ZC3H7B: variants seen among roughly 807,000 people sequenced by gnomAD.
ZC3H7B encodes zinc finger CCCH domain-containing protein 7B.
A neutral mutation model predicts 116.0 loss-of-function variants in ZC3H7B; 35 were observed. That is an observed-to-expected ratio of 0.30 (90% CI 0.23 to 0.40). ZC3H7B has a LOEUF of 0.40. Among genes scored for constraint, ZC3H7B ranks in the 10% least tolerant of loss-of-function variants. ZC3H7B has a pLI of 1.00. For synonymous variants in ZC3H7B, 502 were observed against 545.6 expected (o/e 0.92, Z 1.11); for missense variants, 1,011 against 1,321.5 (o/e 0.77, Z 3.64).
intron 6 of ZC3H7B, among the ~76,000 whole-genome samples, chr22:41,331,273 G>A (rs576474852): frequency 1.3e-4 from 19 of 149,110 alleles, no homozygotes; most frequent in Non-Finnish European, 1.8e-4. Flanking sequence ...ATAAAAGGCC[G>A]GGCGCGGTGG....
chr22:41,332,087 G>A, intron 6 of ZC3H7B, 84 bp from the exon 7 acceptor site: 1 of 1,490,082 alleles, frequency 6.7e-7, no homozygotes, highest in Non-Finnish European at 9.3e-7. Flanking sequence ...TTGTGTCAGG[G>A]CCTCTTTGCT....
intron 1 of ZC3H7B, among the ~76,000 whole-genome samples, chr22:41,304,634 C>T (rs2036016726): frequency 1.3e-5 from 2 of 152,152 alleles, no homozygotes; most frequent in South Asian, 4.1e-4. Context: ...GAGAAGGCTT[C>T]TTCTAGGAAG....
Position 41,351,147 on chromosome 22 carries a change from G to GTT in ZC3H7B, c.1949-414_1949-413insTT, listed in dbSNP as rs1417577859. On this transcript the variant is annotated intron_variant, in intron 16 of 22. Transcript: ENST00000352645. This position sits in a 1 kb window ranked among gnomAD's most constrained non-coding sequence, Gnocchi z 5.1. ...CGGTGAGCCAGGCTGGGCAGGCATG[G>GTT]AGCCCTAAGTGCCAGTGAGGCCAGG... is the stretch of plus-strand genomic sequence containing the variant. 2.6e-5 allele frequency among the ~76,000 whole-genome samples: 4 copies of GTT among 152,302 alleles called. No individual in the cohort carries two copies. In the East Asian group the frequency reaches 7.7e-4, roughly 29 times the overall value.
At chr22:41,309,232 G>T (rs560502566) in intron 1 of ZC3H7B, among the ~76,000 whole-genome samples, 1 of 151,746 alleles carries the variant, frequency 6.6e-6, no homozygotes, top group African/African-American at 2.4e-5. Flanking sequence ...GGATGGTCTC[G>T]ATCTCCTGAC....
At chr22:41,336,059 G>C (rs954782899) in intron 7 of ZC3H7B, 3 of 152,500 alleles carry the variant, frequency 2.0e-5, no homozygotes, top group African/African-American at 7.2e-5. Flanking sequence ...AGAAAGGGTG[G>C]GGCCACCCAG....
At chr22:41,325,488 G>A (rs1601774154) in intron 2 of ZC3H7B, 76 bp from the exon 3 acceptor site, 2 of 1,554,160 alleles carry the variant, frequency 1.3e-6, no homozygotes, top group South Asian at 1.2e-5. Flanking sequence ...GGTCTGAGTT[G>A]GAGGAGTAGC....
chr22:41,329,419 C>T (rs1026545861), intron 5 of ZC3H7B, among the ~76,000 whole-genome samples: 2 of 151,818 alleles, frequency 1.3e-5, no homozygotes, highest in Non-Finnish European at 2.9e-5. Flanking sequence ...CCACCATGCC[C>T]GGCTAATTTT....
chr22:41,324,743 G>A (rs2036296252), intron 2 of ZC3H7B, among the ~76,000 whole-genome samples: 1 of 152,198 alleles, frequency 6.6e-6, no homozygotes, highest in East Asian at 1.9e-4. Context: ...GTGTTATGTG[G>A]GATTGGGCAG....
chr22:41,321,284 C>T (rs976519356), intron 2 of ZC3H7B, among the ~76,000 whole-genome samples: 5 of 150,030 alleles, frequency 3.3e-5, no homozygotes, highest in South Asian at 4.2e-4. Flanking sequence ...GACATGATCT[C>T]GGCTTACTGC....
rs2035988864 is a variant in ZC3H7B, at chr22:41,302,790, G to A, written c.-7+1018G>A. Among the ~76,000 whole-genome samples, 1 of 151,988 alleles carries A rather than the reference G, an allele frequency of 6.6e-6. No individual in the cohort carries two copies. Among genetic ancestry groups the A allele is most frequent in the South Asian group, 2.1e-4 (1 of 4,816 alleles). Reference sequence around the variant, plus strand: ...AACCTGATGGCTGTATTGCCAACAGGGCATTGACGGGGAAGACTAGGGGGC... The same window carrying A: ...AACCTGATGGCTGTATTGCCAACAGAGCATTGACGGGGAAGACTAGGGGGC... On this transcript the variant is annotated intron_variant, in intron 1 of 22. Transcript: ENST00000352645. This position sits in a 1 kb window ranked among gnomAD's most constrained non-coding sequence, Gnocchi z 5.7.
Position 41,349,117 on chromosome 22 carries a change from C to T in ZC3H7B, c.1767-3C>T, listed in dbSNP as rs765261707. ...GTGCCCCTCCTGCCTGCCCGCCCGCCAGGTGCCTGGTGCACATCGTCCGCT... is the reference window on the plus strand; with the variant it reads ...GTGCCCCTCCTGCCTGCCCGCCCGCTAGGTGCCTGGTGCACATCGTCCGCT... On this transcript the variant is annotated splice_region_variant and splice_polypyrimidine_tract_variant and intron_variant, in intron 15 of 22. Coordinates refer to ENST00000352645, the MANE Select transcript of ZC3H7B (RefSeq NM_017590.6). The surrounding 1 kb of genome is among the most constrained non-coding windows in gnomAD (Gnocchi z 4.9). 3.1e-6 allele frequency: 5 copies of T among 1,613,314 alleles called. No individual in the cohort carries two copies. The highest frequency in any genetic ancestry group is 4.2e-6 in the Non-Finnish European group (5 of 1,179,910).
Position 41,302,502 on chromosome 22 carries a change from C to T in ZC3H7B, c.-7+730C>T, listed in dbSNP as rs1179576171. On this transcript the variant is annotated intron_variant, in intron 1 of 22. Coordinates refer to ENST00000352645, the MANE Select transcript of ZC3H7B (RefSeq NM_017590.6). This position sits in a 1 kb window ranked among gnomAD's most constrained non-coding sequence, Gnocchi z 5.7. ...CCAGGGAGTGCTAGGGGGCTGCGGA[C>T]CCCGGCTCTGGCGCCTGGGGACGGG... Among the ~76,000 whole-genome samples the T allele has an allele frequency of 6.6e-6, 1 of 152,154 alleles. No individual in the cohort carries two copies. Among genetic ancestry groups the T allele is most frequent in the Non-Finnish European group, 1.5e-5 (1 of 68,012 alleles).
intron 14 of ZC3H7B, 119 bp from the exon 15 acceptor site, chr22:41,347,948 G>A: frequency 1.2e-6 from 1 of 816,062 alleles, no homozygotes; most frequent in Admixed American, 1.8e-5. Flanking sequence ...TCACTCCTCT[G>A]ACCCAGGGCA....
intron 7 of ZC3H7B, chr22:41,333,813 TA>T (rs1466636428): frequency 6.6e-6 from 1 of 152,170 alleles, no homozygotes; most frequent in Non-Finnish European, 1.5e-5. Context: ...GGATGGACAT[TA>T]GGACATTAGG....
chr22:41,341,941 A>G (rs2036528027), intron 11 of ZC3H7B, among the ~76,000 whole-genome samples: 2 of 152,008 alleles, frequency 1.3e-5, no homozygotes, highest in South Asian at 4.2e-4. Context: ...GGACACCTGT[A>G]ATCCCAGGTA....
chr22:41,327,340 C>T lies in ZC3H7B; in HGVS notation c.420C>T (p.Ser140=), dbSNP rs1271218888. 1.2e-6 allele frequency: 2 copies of T among 1,612,374 alleles called. No homozygotes were observed. The highest frequency in any genetic ancestry group is 1.3e-5 in the African/African-American group (1 of 74,954). ...GRHKEAYECS[S]RCSLALPHDE... ...ACAAGGAGGCCTACGAGTGCAGCAG[C>T]CGGTGTTCCCTCGCCCTGCCCCACG... The change falls in exon 5 of 23, where the codon AGC becomes AGT. Residue 140 remains serine (S), a synonymous_variant. Coordinates refer to ENST00000352645, the MANE Select transcript of ZC3H7B (RefSeq NM_017590.6). The surrounding 1 kb of genome is among the most constrained non-coding windows in gnomAD (Gnocchi z 4.5).
intron 4 of ZC3H7B, 24 bp downstream of exon 4, chr22:41,325,942 C>A: frequency 6.3e-7 from 1 of 1,581,230 alleles, no homozygotes; most frequent in Non-Finnish European, 8.6e-7. Context: ...CCTCTTTTCT[C>A]TCCTCCTCTG....
intron 17 of ZC3H7B, among the ~76,000 whole-genome samples, chr22:41,352,312 A>C (rs1305057172): frequency 1.3e-5 from 2 of 152,214 alleles, no homozygotes. Flanking sequence ...GCGTCATCTC[A>C]GTGTGTCCCT....
chr22:41,305,042 TC>T (rs2036021450), intron 1 of ZC3H7B, among the ~76,000 whole-genome samples: 1 of 152,076 alleles, frequency 6.6e-6, no homozygotes, highest in African/African-American at 2.4e-5. Flanking sequence ...TGAAACCCAG[TC>T]TCCACTAAAA....
Sources: allele counts gnomAD v4.1 joint callset (sites outside exome capture counted in the v4.1 genomes callset), GRCh38; gene constraint gnomAD v4.1.1; non-coding constraint Gnocchi (gnomAD v3.1); transcripts MANE v1.5; gene names NCBI Gene and HGNC (gene_info 2026-07-23, HGNC 2026-07-21).